Variants in RBM6 observed in about 807,000 individuals in gnomAD.
RBM6 encodes the protein RNA binding motif protein 6.
In RBM6, 23 loss-of-function variants were observed where a neutral mutation model predicts 140.4. That is an observed-to-expected ratio of 0.16 (90% CI 0.12 to 0.23). The LOEUF (loss-of-function observed/expected upper bound fraction) is 0.23. Among genes scored for constraint, RBM6 ranks in the 10% least tolerant of loss-of-function variants. RBM6 has a pLI of 1.00. For missense variants in RBM6, 1,139 were observed against 1,386.7 expected (o/e 0.82, Z 2.84); for synonymous variants, 439 against 475.6 (o/e 0.92, Z 1.00).
At position 50,010,098 on chromosome 3, in the gene RBM6, G is replaced by C. The variant is rs538631740; in HGVS notation, c.1557+10585G>C. On this transcript the variant is annotated intron_variant, in intron 6 of 20. Transcript: ENST00000266022. ...GACAGGGTTTCACCATGTTGGCCAG[G>C]CTGCTCTCGAACTCCTGACCTCAGG... 1.8e-4 allele frequency among the ~76,000 whole-genome samples: 28 copies of C among 152,122 alleles called. No individual in the cohort carries two copies. In the South Asian group the frequency reaches 5.8e-3, roughly 32 times the overall value.
intron 7 of RBM6, among the ~76,000 whole-genome samples, chr3:50,053,733 G>A (rs980993252): frequency 5.3e-5 from 8 of 152,154 alleles, no homozygotes; most frequent in African/African-American, 1.2e-4. Context: ...CAGGGATTTC[G>A]GGGTTGGGCA....
chr3:50,069,000 C>G (rs1210910400), intron 18 of RBM6, among the ~76,000 whole-genome samples: 1 of 152,182 alleles, frequency 6.6e-6, no homozygotes, highest in Non-Finnish European at 1.5e-5. Context: ...GTTAGGGTCT[C>G]TAGGTAGATA....
chr3:50,066,200 A>G (rs2090114842), intron 16 of RBM6, 42 bp from the exon 17 acceptor site: 3 of 1,558,992 alleles, frequency 1.9e-6, no homozygotes, highest in Non-Finnish European at 1.7e-6. Flanking sequence ...ACCCCAAAAT[A>G]TAGGTTGAAT....
rs183306060 is a variant in RBM6, at chr3:49,959,694, C to A, written c.-66-2882C>A. The stretch of plus-strand genomic sequence containing the variant: ...CAAGTCATTCTCCTGCCTCAGCCTC[C>A]CAAGTAGCTGGGACTACAGGTGCCC... On this transcript the variant is annotated intron_variant, in intron 1 of 20. Coordinates refer to ENST00000266022, the MANE Select transcript of RBM6 (RefSeq NM_005777.3). Among the ~76,000 whole-genome samples, 165 of 148,732 alleles carry A rather than the reference C, an allele frequency of 1.1e-3. 5 individuals carry two copies. The East Asian group carries it at 0.029, about 26-fold the overall frequency.
chr3:50,022,482 C>T (rs966882133), intron 6 of RBM6, among the ~76,000 whole-genome samples: 6 of 151,996 alleles, frequency 3.9e-5, no homozygotes, highest in South Asian at 4.2e-4. Context: ...AGGCTCATGT[C>T]ACCACGCCTG....
In RBM6 at chr3:49,967,591, G is replaced by C. The variant is rs201632526; in HGVS notation, c.166G>C (p.Asp56His). Residue 56 changes from aspartate (D) to histidine (H), a missense_variant, in exon 3 of 21, where the codon GAT becomes CAT. Around this residue, in one of 9 missense-constraint regions of RBM6, gnomAD observed 566 missense variants for 612.7 expected, o/e 0.92. Transcript: ENST00000266022. This position sits in a 1 kb window ranked among gnomAD's most constrained non-coding sequence, Gnocchi z 4.0. ...TCCTGGCAGAGATTCACTTCCCTTTGATTTCCAGGGGCATTCGGGGCCTCC... is the reference window on the plus strand; with the variant it reads ...TCCTGGCAGAGATTCACTTCCCTTTCATTTCCAGGGGCATTCGGGGCCTCC... ...NFPGRDSLPF[D>H]FQGHSGPPFA... 2 of 1,614,134 alleles carry C rather than the reference G, an allele frequency of 1.2e-6. No homozygotes were observed. The highest frequency in any genetic ancestry group is 4.5e-5 in the East Asian group (2 of 44,894).
chr3:50,008,529 T>C (rs1312804767), intron 6 of RBM6, among the ~76,000 whole-genome samples: 1 of 146,492 alleles, frequency 6.8e-6, no homozygotes, highest in Non-Finnish European at 1.5e-5. Context: ...CTTCATTACC[T>C]CCTGGCTCTT....
In RBM6 at chr3:49,972,165, C is replaced by T. The variant is rs2084825935; in HGVS notation, c.1413+17C>T. On this transcript the variant is annotated intron_variant, in intron 4 of 20. Coordinates refer to ENST00000266022, the MANE Select transcript of RBM6 (RefSeq NM_005777.3). Reference sequence around the variant, plus strand: ...AAAGAAGAGGTAAGGCATGTCTTCTCTCCTGTTTCTCTGTGTCAATTAAAA... The same window carrying T: ...AAAGAAGAGGTAAGGCATGTCTTCTTTCCTGTTTCTCTGTGTCAATTAAAA... The T allele has an allele frequency of 6.5e-7, 1 of 1,538,894 alleles. No homozygotes were observed. The highest frequency in any genetic ancestry group is 1.4e-5 in the African/African-American group (1 of 72,244).
rs10648927 is a variant in RBM6, at chr3:50,032,482, CAA to C, written c.1558-15746_1558-15745del. ...CTGGCAACAGGGCGAGACTCCATCT[CAA>C]AAAAAAAAAAAAAAAAGCAGGGATT... On this transcript the variant is annotated intron_variant, in intron 6 of 20. Transcript: ENST00000266022. Among the ~76,000 whole-genome samples, 322 of 58,334 alleles carry C rather than the reference CAA, an allele frequency of 5.5e-3. 6 individuals carry two copies. In the East Asian group the frequency reaches 0.15, roughly 27 times the overall value. 38.3% of individuals were successfully genotyped at this position (58,334 alleles called of 152,430 possible).
intron 1 of RBM6, among the ~76,000 whole-genome samples, chr3:49,942,264 C>T (rs866410713): frequency 3.3e-5 from 5 of 151,320 alleles, no homozygotes; most frequent in East Asian, 2.0e-4. Flanking sequence ...CCGAGGTGGG[C>T]GGATCACGAG....
chr3:49,951,560 A>T (rs534591801), intron 1 of RBM6, among the ~76,000 whole-genome samples: 11 of 148,542 alleles, frequency 7.4e-5, no homozygotes, highest in South Asian at 2.1e-4. Context: ...TTTATTTATT[A>T]TTTATTTATT....
At chr3:50,037,885 G>A (rs1356635628) in intron 6 of RBM6, among the ~76,000 whole-genome samples, 2 of 148,644 alleles carry the variant, frequency 1.3e-5, no homozygotes, top group Non-Finnish European at 3.0e-5. Flanking sequence ...GTGGTGGCAC[G>A]ATCTTGGTTC....
intron 6 of RBM6, among the ~76,000 whole-genome samples, chr3:50,006,931 CAA>C (rs1202355520): frequency 2.7e-4 from 25 of 92,610 alleles, no homozygotes; most frequent in South Asian, 3.4e-4. Flanking sequence ...GACTCCATCT[CAA>C]AAAAAAAAAA....
chr3:49,948,265 C>T (rs373865450), intron 1 of RBM6, among the ~76,000 whole-genome samples: 40 of 152,256 alleles, frequency 2.6e-4, no homozygotes, highest in Admixed American at 4.6e-4. Flanking sequence ...CGGTGGCTCA[C>T]GCCTATAATC....
At chr3:49,973,898 G>T (rs1476268418) in intron 4 of RBM6, among the ~76,000 whole-genome samples, 2 of 140,006 alleles carry the variant, frequency 1.4e-5, no homozygotes, top group African/African-American at 5.3e-5. Context: ...TTGTTTGTTT[G>T]TTTGTTTGTT....
chr3:49,993,836 G>A (rs2085943551), intron 5 of RBM6, among the ~76,000 whole-genome samples: 1 of 151,980 alleles, frequency 6.6e-6, no homozygotes, highest in South Asian at 2.1e-4. Context: ...CAGCTATTCG[G>A]GAGCCTGAGG....
intron 6 of RBM6, among the ~76,000 whole-genome samples, chr3:50,037,599 GGGA>G (rs1426079716): frequency 1.3e-5 from 2 of 152,126 alleles, no homozygotes; most frequent in East Asian, 3.8e-4. Context: ...GTACTTGGGT[GGGA>G]GGTGATAGAT....
At chr3:50,010,957 G>A (rs533897544) in intron 6 of RBM6, among the ~76,000 whole-genome samples, 40 of 143,210 alleles carry the variant, frequency 2.8e-4, no homozygotes, top group African/African-American at 9.8e-4. Context: ...ATGGGAATGA[G>A]TCCAGATCTA....
At chr3:50,061,583 T>TA in intron 14 of RBM6, 36 bp downstream of exon 14, 2 of 1,476,918 alleles carry the variant, frequency 1.4e-6, no homozygotes, top group African/African-American at 1.4e-5. Flanking sequence ...TTTTTTTTTT[T>TA]TACCTCTGTC....
Sources: allele counts gnomAD v4.1 joint callset (sites outside exome capture counted in the v4.1 genomes callset), GRCh38; gene constraint gnomAD v4.1.1; regional missense constraint gnomAD v4.1.1; non-coding constraint Gnocchi (gnomAD v3.1); transcripts MANE v1.5; gene names NCBI Gene and HGNC (gene_info 2026-07-23, HGNC 2026-07-21).